Variants in TBC1D5 observed in about 807,000 individuals in gnomAD.
TBC1D5 encodes TBC1 domain family member 5.
A neutral mutation model predicts 100.3 loss-of-function variants in TBC1D5; 75 were observed. That is an observed-to-expected ratio of 0.75 (90% confidence interval 0.62 to 0.91). The LOEUF (loss-of-function observed/expected upper bound fraction) is 0.91. TBC1D5 is among the 40% of genes least tolerant of loss of function. The pLI is 0.00. For missense variants in TBC1D5, 910 were observed against 942.4 expected, an observed-to-expected ratio of 0.97 and a Z score of 0.45; for synonymous variants, 323 against 325.6, an observed-to-expected ratio of 0.99 and a Z score of 0.09.
At chr3:17,582,537 CA>C (rs1282800290) in intron 2 of TBC1D5, among the ~76,000 whole-genome samples, 6 of 152,028 alleles carry the variant, frequency 3.9e-5, no homozygotes, top group Admixed American at 3.3e-4. Context: ...CTCCGAAAGA[CA>C]TGCCAGCAAA....
intron 8 of TBC1D5, among the ~76,000 whole-genome samples, chr3:17,399,007 G>A (rs1399402150): frequency 1.3e-5 from 2 of 152,104 alleles, no homozygotes; most frequent in Non-Finnish European, 2.9e-5. Context: ...ATGAACTCAG[G>A]CCTTGAATGG....
At chr3:17,329,011 G>A (rs1267364028) in intron 13 of TBC1D5, among the ~76,000 whole-genome samples, 1 of 152,198 alleles carries the variant, frequency 6.6e-6, no homozygotes, top group East Asian at 1.9e-4. Context: ...GGAGGAAGGT[G>A]CTACAGAGAT....
chr3:17,238,491 T>C, intron 16 of TBC1D5, 72 bp from the exon 17 acceptor site: 1 of 1,507,080 alleles, frequency 6.6e-7, no homozygotes, highest in South Asian at 1.4e-5. Context: ...TTAATTGGTA[T>C]AAAAGCACAC....
intron 3 of TBC1D5, among the ~76,000 whole-genome samples, chr3:17,430,235 C>T (rs2094423402): frequency 1.3e-5 from 2 of 151,678 alleles, no homozygotes; most frequent in Admixed American, 1.3e-4. Context: ...CCATAATCAG[C>T]ATAGAATAAG....
At chr3:17,166,094 A>G (rs1049962477) in intron 21 of TBC1D5, among the ~76,000 whole-genome samples, 1 of 152,174 alleles carries the variant, frequency 6.6e-6, no homozygotes, top group African/African-American at 2.4e-5. Flanking sequence ...TCAGCAAACT[A>G]TGGCCAAATC....
At chr3:17,378,793 A>G (rs2092812497) in intron 9 of TBC1D5, among the ~76,000 whole-genome samples, 1 of 149,302 alleles carries the variant, frequency 6.7e-6, no homozygotes, top group African/African-American at 2.5e-5. Context: ...TTAATTCTTC[A>G]CTTAACTGAT....
intron 19 of TBC1D5, among the ~76,000 whole-genome samples, chr3:17,177,137 C>A (rs1050641553): frequency 6.6e-6 from 1 of 152,090 alleles, no homozygotes; most frequent in Non-Finnish European, 1.5e-5. Flanking sequence ...GAAAATAATT[C>A]AATTTGGGTT....
chr3:17,470,117 GA>G (rs947944191), intron 3 of TBC1D5, among the ~76,000 whole-genome samples: 1 of 152,098 alleles, frequency 6.6e-6, no homozygotes, highest in East Asian at 1.9e-4. Flanking sequence ...CCAAGTTCAA[GA>G]AAAAACATGT....
chr3:17,717,578 T>C (rs574862366), intron 1 of TBC1D5, among the ~76,000 whole-genome samples: 94 of 152,342 alleles, frequency 6.2e-4, no homozygotes, highest in Admixed American at 9.8e-4. Flanking sequence ...CATATACTGA[T>C]AGAACAGTCT....
At chr3:17,179,766 T>C (rs1051745287) in intron 19 of TBC1D5, among the ~76,000 whole-genome samples, 2 of 152,224 alleles carry the variant, frequency 1.3e-5, no homozygotes, top group African/African-American at 4.8e-5. Context: ...CCTTCATTAA[T>C]TGCATTTAAC....
At chr3:17,337,381 C>T (rs562790928) in intron 13 of TBC1D5, 1 of 152,110 alleles carries the variant, frequency 6.6e-6, no homozygotes, top group African/African-American at 2.4e-5. Flanking sequence ...AAAAGAAACT[C>T]TGTTACGTTG....
At chr3:17,330,735 T>C (rs2086765728) in intron 13 of TBC1D5, among the ~76,000 whole-genome samples, 2 of 152,186 alleles carry the variant, frequency 1.3e-5, no homozygotes, top group African/African-American at 2.4e-5. Context: ...CAGACTAATA[T>C]GTGTAGCTGC....
chr3:17,496,626 T>G (rs2095711110), intron 3 of TBC1D5, among the ~76,000 whole-genome samples: 2 of 152,130 alleles, frequency 1.3e-5, no homozygotes, highest in Admixed American at 6.5e-5. Flanking sequence ...TAAGCTGGAA[T>G]TACTTCACCA....
chr3:17,476,495 A>G (rs1044377735), intron 3 of TBC1D5, among the ~76,000 whole-genome samples: 6 of 151,856 alleles, frequency 4.0e-5, no homozygotes, highest in African/African-American at 1.5e-4. Context: ...CCACTAGTCT[A>G]TTTATCAAGT....
At chr3:17,401,047 C>G (rs1404890518) in intron 8 of TBC1D5, among the ~76,000 whole-genome samples, 1 of 152,044 alleles carries the variant, frequency 6.6e-6, no homozygotes, top group Admixed American at 6.6e-5. Flanking sequence ...ATAAACTCCC[C>G]TTTATATATA....
intron 3 of TBC1D5, among the ~76,000 whole-genome samples, chr3:17,449,062 G>C (rs1485456079): frequency 6.6e-6 from 1 of 152,138 alleles, no homozygotes; most frequent in Non-Finnish European, 1.5e-5. Context: ...GGACTGGTTA[G>C]AAAGTGGGTG....
intron 2 of TBC1D5, among the ~76,000 whole-genome samples, chr3:17,620,013 T>C (rs567042527): frequency 1.3e-5 from 2 of 152,302 alleles, no homozygotes; most frequent in South Asian, 4.1e-4. Flanking sequence ...ATGCACTCTG[T>C]TTGCAAGGCT....
chr3:17,480,458 G>A (rs1418385690), intron 3 of TBC1D5, among the ~76,000 whole-genome samples: 1 of 152,170 alleles, frequency 6.6e-6, no homozygotes, highest in Non-Finnish European at 1.5e-5. Flanking sequence ...GGACGAACCA[G>A]CATGTACTTC....
chr3:17,426,129 T>G (rs2094330331), intron 4 of TBC1D5, among the ~76,000 whole-genome samples: 1 of 152,202 alleles, frequency 6.6e-6, no homozygotes, highest in African/African-American at 2.4e-5. Flanking sequence ...CAAAAGGACA[T>G]CTGAGGGTTG....
Sources: gnomAD v4.1 joint callset for allele counts (sites outside exome capture counted in the v4.1 genomes callset) on GRCh38, gnomAD v4.1.1 for gene constraint, MANE v1.5 for transcripts, NCBI Gene and HGNC (gene_info 2026-07-23, HGNC 2026-07-21) for gene names.